The following PDLIM5 variants were observed in gnomAD, a reference collection of about 807,000 sequenced individuals.
PDLIM5 encodes PDZ and LIM domain 5.
In PDLIM5, 34 loss-of-function variants were observed where a neutral mutation model predicts 64.2. That is an observed-to-expected ratio of 0.53 (90% CI 0.40 to 0.71). PDLIM5 has a LOEUF of 0.71. Among genes scored for constraint, PDLIM5 ranks in the 30% least tolerant of loss-of-function variants. PDLIM5 has a pLI of 0.00. For synonymous variants in PDLIM5, 253 were observed against 269.1 expected (o/e 0.94, Z 0.59); for missense variants, 683 against 733.6 (o/e 0.93, Z 0.80).
At chr4:94,655,212 C>CA (rs963186588) in intron 10 of PDLIM5, among the ~76,000 whole-genome samples, 5 of 150,468 alleles carry the variant, frequency 3.3e-5, no homozygotes, top group African/African-American at 1.2e-4. Flanking sequence ...TCCTTTTTTG[C>CA]AAAAAAAGGA....
intron 2 of PDLIM5, among the ~76,000 whole-genome samples, chr4:94,482,070 AT>A (rs982423579): frequency 9.3e-5 from 14 of 150,234 alleles, no homozygotes; most frequent in Admixed American, 8.6e-4. Flanking sequence ...GGGTACTTCT[AT>A]TTTTAATCAT....
chr4:94,461,937 T>C (rs1723921858), intron 2 of PDLIM5, among the ~76,000 whole-genome samples: 1 of 152,246 alleles, frequency 6.6e-6, no homozygotes, highest in African/African-American at 2.4e-5. Context: ...CGATCTCGGC[T>C]CACTGCAACC....
intron 2 of PDLIM5, among the ~76,000 whole-genome samples, chr4:94,511,203 G>T (rs1216253261): frequency 6.6e-6 from 1 of 152,214 alleles, no homozygotes; most frequent in African/African-American, 2.4e-5. Flanking sequence ...AAGGGCATGG[G>T]CTGTCAGGCA....
intron 3 of PDLIM5, among the ~76,000 whole-genome samples, chr4:94,568,236 C>G (rs1187336133): frequency 2.0e-5 from 3 of 152,196 alleles, no homozygotes; most frequent in Non-Finnish European, 4.4e-5. Context: ...TTTGTTGGAA[C>G]ACAACCATGG....
chr4:94,560,578 G>A (rs1733748217), intron 3 of PDLIM5, among the ~76,000 whole-genome samples: 1 of 152,206 alleles, frequency 6.6e-6, no homozygotes, highest in Admixed American at 6.5e-5. Context: ...AGGAAACTGA[G>A]AGGTTAAGTA....
intron 3 of PDLIM5, among the ~76,000 whole-genome samples, chr4:94,532,988 G>C (rs945691304): frequency 2.0e-5 from 3 of 152,208 alleles, no homozygotes; most frequent in Non-Finnish European, 4.4e-5. Flanking sequence ...GGGCGACAGA[G>C]TGAGACTCTG....
chr4:94,483,907 A>G (rs999272153), intron 2 of PDLIM5, among the ~76,000 whole-genome samples: 2 of 152,146 alleles, frequency 1.3e-5, no homozygotes, highest in Admixed American at 6.5e-5. Flanking sequence ...AATAATCCTG[A>G]CCACATATTA....
chr4:94,455,868 C>T, intron 2 of PDLIM5: 1 of 1,389,810 alleles, frequency 7.2e-7, no homozygotes, highest in Middle Eastern at 1.8e-4. Context: ...CCAAAAGCTA[C>T]TTACCCTTGA....
At chr4:94,609,804 T>C (rs1203478732) in intron 7 of PDLIM5, among the ~76,000 whole-genome samples, 1 of 152,202 alleles carries the variant, frequency 6.6e-6, no homozygotes, top group Admixed American at 6.5e-5. Flanking sequence ...TCTATGCTTA[T>C]AGAAATTCAG....
At chr4:94,459,943 C>G (rs2126077901) in intron 2 of PDLIM5, among the ~76,000 whole-genome samples, 1 of 152,312 alleles carries the variant, frequency 6.6e-6, no homozygotes, top group South Asian at 2.1e-4. Context: ...GCTGCAGTTT[C>G]CCTCCTACCG....
At chr4:94,592,021 T>A (rs1324727991) in intron 7 of PDLIM5, among the ~76,000 whole-genome samples, 1 of 152,196 alleles carries the variant, frequency 6.6e-6, no homozygotes, top group Non-Finnish European at 1.5e-5. Context: ...GTCTTCAAAG[T>A]AAAAGATCAG....
Position 94,662,443 on chromosome 4 carries a change from C to G in PDLIM5, c.1607C>G (p.Thr536Ser). 2 of 1,565,646 alleles carry G rather than the reference C, an allele frequency of 1.3e-6. No homozygotes were observed. The highest frequency in any genetic ancestry group is 1.8e-6 in the Non-Finnish European group (2 of 1,135,836). The change falls in exon 12 of 13, where the codon ACT becomes AGT. Residue 536 changes from threonine to serine, a missense_variant. Thr to Ser is a moderately conservative substitution (Grantham distance 58). Transcript: ENST00000317968. ...CETDYYALFG[T>S]ICHGCEFPIE... ...ACAGATTATTATGCCCTCTTTGGTACTATATGCCATGGATGTGAATTTCCC... is the reference window on the plus strand; with the variant it reads ...ACAGATTATTATGCCCTCTTTGGTAGTATATGCCATGGATGTGAATTTCCC...
chr4:94,561,680 AG>A (rs1383163426), intron 3 of PDLIM5, among the ~76,000 whole-genome samples: 2 of 152,212 alleles, frequency 1.3e-5, no homozygotes, highest in African/African-American at 2.4e-5. Context: ...TTGGAGCCAA[AG>A]TAAGGAAGAC....
intron 9 of PDLIM5, among the ~76,000 whole-genome samples, chr4:94,651,857 G>A (rs1021244068): frequency 1.1e-4 from 16 of 152,148 alleles, no homozygotes; most frequent in East Asian, 5.8e-4. Context: ...ATTTCATAGA[G>A]CTGTGTCCTG....
chr4:94,549,764 T>G (rs1359311498), intron 3 of PDLIM5: 1 of 152,176 alleles, frequency 6.6e-6, no homozygotes, highest in Non-Finnish European at 1.5e-5. Context: ...TCCCTTTGTC[T>G]TCCTGGCTCT....
chr4:94,469,040 G>A (rs113318762), intron 2 of PDLIM5, among the ~76,000 whole-genome samples: 1,724 of 152,294 alleles, frequency 0.011, 37 homozygotes, highest in African/African-American at 0.039. Context: ...TGTCAGGGTT[G>A]CAGGGAACTT....
rs142892961 is a variant in PDLIM5, at chr4:94,624,558, T to C, written c.1108+6367T>C. Among the ~76,000 whole-genome samples the C allele has an allele frequency of 2.5e-3, 374 of 152,330 alleles. 1 individual carries two copies. The highest frequency in any genetic ancestry group is 8.1e-3 in the African/African-American group (335 of 41,586). On this transcript the variant is annotated intron_variant, in intron 8 of 12. Coordinates refer to ENST00000317968, the MANE Select transcript of PDLIM5 (RefSeq NM_006457.5). ...AAGGGAAGAAAAAGACTTAAAGTTC[T>C]GAGGATACAATCTTGAGGTAAAATA...
At chr4:94,605,968 A>G (rs563560779) in intron 7 of PDLIM5, among the ~76,000 whole-genome samples, 89 of 151,566 alleles carry the variant, frequency 5.9e-4, no homozygotes, top group Non-Finnish European at 1.1e-3. Flanking sequence ...ATATTAAAAT[A>G]TTTATTTAAA....
At chr4:94,530,994 A>G (rs1249028904) in intron 3 of PDLIM5, among the ~76,000 whole-genome samples, 1 of 152,194 alleles carries the variant, frequency 6.6e-6, no homozygotes, top group Non-Finnish European at 1.5e-5. Flanking sequence ...ACTTTTTTCA[A>G]TCGAAGTTTT....
Sources: allele counts gnomAD v4.1 joint callset (sites outside exome capture counted in the v4.1 genomes callset), GRCh38; gene constraint gnomAD v4.1.1; transcripts MANE v1.5; gene names NCBI Gene and HGNC (gene_info 2026-07-23, HGNC 2026-07-21).